SAMHD1: variants seen among roughly 807,000 people sequenced by gnomAD.
SAMHD1 encodes SAM and HD domain containing deoxynucleoside triphosphate triphosphohydrolase 1, also known as deoxynucleoside triphosphate triphosphohydrolase SAMHD1.
A neutral mutation model predicts 79.6 loss-of-function variants in SAMHD1; 54 were observed. That is an observed-to-expected ratio of 0.68 (90% CI 0.55 to 0.85). SAMHD1 has a LOEUF of 0.85. Ranked by LOEUF, SAMHD1 falls within the 40% of genes least tolerant of loss-of-function variation. The probability of loss-of-function intolerance (pLI) is 0.00; values close to 1 mark genes in which losing one functional copy is unlikely to be tolerated. For missense variants in SAMHD1, 663 were observed against 782.7 expected, an observed-to-expected ratio of 0.85 and a Z score of 1.82; for synonymous variants, 260 against 264.1, an observed-to-expected ratio of 0.98 and a Z score of 0.15.
chr20:36,949,852 T>C (rs539712823), intron 1 of SAMHD1, among the ~76,000 whole-genome samples: 2 of 149,962 alleles, frequency 1.3e-5, no homozygotes, highest in South Asian at 2.1e-4. Context: ...AATCTTTGGA[T>C]AGGAACCTGG....
rs139415135 is a variant in SAMHD1, at chr20:36,925,476, A to G, written c.696+1706T>C. ...AGGACAGAAAAACTGGTGAGAAACT[A>G]CCCATTTTACTGGCTTGCAGAACCA... On this transcript the variant is annotated intron_variant, in intron 6 of 15. Transcript: ENST00000646673. Among the ~76,000 whole-genome samples, 1,034 of 152,322 alleles carry G rather than the reference A, an allele frequency of 6.8e-3. 11 individuals are homozygous for G. Among genetic ancestry groups the G allele is most frequent in the African/African-American group, 0.021 (863 of 41,580 alleles).
At chr20:36,944,445 T>C (rs2063670783) in intron 2 of SAMHD1, among the ~76,000 whole-genome samples, 1 of 152,222 alleles carries the variant, frequency 6.6e-6, no homozygotes, top group Admixed American at 6.5e-5. Flanking sequence ...TGTTATCAAT[T>C]ACTAAGCAAC....
At chr20:36,897,667 A>T in intron 15 of SAMHD1, 155 bp downstream of exon 15, 1 of 817,364 alleles carries the variant, frequency 1.2e-6, no homozygotes. Context: ...ACAGATTCAG[A>T]CATTTTAAAA....
chr20:36,920,768 GA>G (rs11326842), intron 6 of SAMHD1, among the ~76,000 whole-genome samples: 117,230 of 143,094 alleles, frequency 0.82, 47,929 homozygotes, highest in East Asian at 0.99. Context: ...TGTTTCAAAA[GA>G]AAAAAAAAAA....
At chr20:36,947,579 T>C (rs2063702114) in intron 1 of SAMHD1, among the ~76,000 whole-genome samples, 1 of 150,370 alleles carries the variant, frequency 6.7e-6, no homozygotes, top group African/African-American at 2.4e-5. Context: ...TGTGTGTGTG[T>C]GTGTGTGTGT....
chr20:36,921,322 G>T (rs1053852751), intron 6 of SAMHD1, among the ~76,000 whole-genome samples: 3 of 150,182 alleles, frequency 2.0e-5, no homozygotes, highest in African/African-American at 7.4e-5. Context: ...GAACTCGGGA[G>T]GCGGAGGTTG....
intron 1 of SAMHD1, chr20:36,947,179 T>G (rs187689261): frequency 1.3e-3 from 317 of 235,962 alleles, no homozygotes; most frequent in Non-Finnish European, 2.3e-3. Flanking sequence ...AAGGTTTGAG[T>G]TGGGGAGGGA....
chr20:36,900,607 G>A (rs1168204287), intron 13 of SAMHD1, among the ~76,000 whole-genome samples: 2 of 138,190 alleles, frequency 1.4e-5, no homozygotes, highest in African/African-American at 5.4e-5. Flanking sequence ...TTTCTGTGTC[G>A]CCAGGCTGGA....
Position 36,911,243 on chromosome 20 carries a change from G to T in SAMHD1, c.1245C>A (p.Asp415Glu). Residue 415 changes from aspartate to glutamate, a missense_variant, in exon 11 of 16, where the codon GAC (aspartate) becomes GAA (glutamate). Asp to Glu is a conservative substitution (Grantham distance 45). Coordinates refer to ENST00000646673, the MANE Select transcript of SAMHD1 (RefSeq NM_015474.4). Reference sequence around the variant, plus strand: ...CTGTCAGCTTAGTATAGGCTTCCATGTCGTCAATTGCTGTAGAAATGCGAT... The same window carrying T: ...CTGTCAGCTTAGTATAGGCTTCCATTTCGTCAATTGCTGTAGAAATGCGAT... Reference protein sequence around the residue: ...KKYRISTAIDDMEAYTKLTDN... With the variant: ...KKYRISTAIDEMEAYTKLTDN... 6.2e-7 allele frequency: 1 copy of T among 1,612,838 alleles called. No individual in the cohort carries two copies. Among genetic ancestry groups the T allele is most frequent in the Non-Finnish European group, 8.5e-7 (1 of 1,179,306 alleles).
At chr20:36,894,552 A>C (rs1990162438) in intron 15 of SAMHD1, among the ~76,000 whole-genome samples, 1 of 151,392 alleles carries the variant, frequency 6.6e-6, no homozygotes, top group South Asian at 2.1e-4. Context: ...GGATCACTTG[A>C]GGTCGGGAGT....
At chr20:36,894,013 T>C (rs1285350982) in intron 15 of SAMHD1, 26 of 398,274 alleles carry the variant, frequency 6.5e-5, no homozygotes, top group Non-Finnish European at 1.3e-5. Flanking sequence ...GTGACTATTC[T>C]GTGGTTCTAG....
In SAMHD1 at chr20:36,940,930, T is replaced by G. The variant is rs184491046; in HGVS notation, c.348+109A>C. ...TTTAGAAAAGATCCACTACTCACAA[T>G]TCTATCACTGAGAAGCAGATTTCCT... On this transcript the variant is annotated intron_variant, in intron 3 of 15. Transcript: ENST00000646673. 6.5e-4 allele frequency: 522 copies of G among 808,906 alleles called. No individual in the cohort carries two copies. The African/African-American group carries it at 7.3e-3, about 11-fold the overall frequency. The allele number at this position is 808,906 out of a possible 1,614,324, so 50.1% of individuals were successfully genotyped here. A position where few individuals can be genotyped will look rare whatever the true frequency, so the allele number is the denominator to read the frequency against.
At chr20:36,929,433 G>T (rs1405964274) in intron 5 of SAMHD1, among the ~76,000 whole-genome samples, 2 of 152,050 alleles carry the variant, frequency 1.3e-5, no homozygotes, top group African/African-American at 4.8e-5. Context: ...AAACCCCCAT[G>T]ATTTAAAAGG....
intron 1 of SAMHD1, among the ~76,000 whole-genome samples, chr20:36,947,976 G>T (rs1215054957): frequency 6.6e-6 from 1 of 152,086 alleles, no homozygotes; most frequent in Non-Finnish European, 1.5e-5. Flanking sequence ...CAGGCCTCCA[G>T]TGGTTTTTGA....
intron 13 of SAMHD1, 137 bp downstream of exon 13, chr20:36,904,020 T>G: frequency 1.5e-6 from 1 of 667,104 alleles, no homozygotes. Flanking sequence ...GTTAATAATA[T>G]TGGTTCTCTT....
chr20:36,933,968 C>T (rs971731594), intron 4 of SAMHD1, among the ~76,000 whole-genome samples: 1 of 151,724 alleles, frequency 6.6e-6, no homozygotes, highest in African/African-American at 2.4e-5. Flanking sequence ...ATCACTTGAA[C>T]CCTGGAGGCA....
At chr20:36,893,981 T>C (rs996040960) in intron 15 of SAMHD1, 7 of 398,488 alleles carry the variant, frequency 1.8e-5, no homozygotes, top group Non-Finnish European at 3.1e-5. Flanking sequence ...CCCTACCTCC[T>C]CTGGCACGAG....
At position 36,891,708 on chromosome 20, in the gene SAMHD1, G is replaced by A. The variant is rs1173439490; in HGVS notation, c.*1224C>T. The A allele has an allele frequency of 6.6e-6, 1 of 152,038 alleles. No individual in the cohort carries two copies. The highest frequency in any genetic ancestry group is 1.5e-5 in the Non-Finnish European group (1 of 68,148). 9.4% of individuals were successfully genotyped at this position (152,038 alleles called of 1,614,324 possible). A position where few individuals can be genotyped will look rare whatever the true frequency, so the allele number is the denominator to read the frequency against. On this transcript the variant is annotated 3_prime_UTR_variant, in exon 16 of 16. Coordinates refer to ENST00000646673, the MANE Select transcript of SAMHD1 (RefSeq NM_015474.4). ...CAGTGTTTGTGCTTTTTTTTTTGGA[G>A]ATGGAGTCTCACTCTGTCACCCAGG...
At chr20:36,897,314 G>A (rs1990216657) in intron 15 of SAMHD1, among the ~76,000 whole-genome samples, 1 of 152,254 alleles carries the variant, frequency 6.6e-6, no homozygotes, top group African/African-American at 2.4e-5. Flanking sequence ...CCTACCATGT[G>A]TAGGTCAGTA....
Sources: allele counts gnomAD v4.1 joint callset (sites outside exome capture counted in the v4.1 genomes callset), GRCh38; gene constraint gnomAD v4.1.1; transcripts MANE v1.5; gene names NCBI Gene and HGNC (gene_info 2026-07-23, HGNC 2026-07-21).